The following CAMTA1 variants were observed in gnomAD, a reference collection of about 807,000 sequenced individuals.
CAMTA1 encodes the protein calmodulin-binding transcription activator 1.
Under a neutral mutation model 170.9 loss-of-function variants are expected in CAMTA1, and 27 were observed. That is an observed-to-expected ratio of 0.16 (90% CI 0.12 to 0.22). The LOEUF is 0.22. CAMTA1 is among the 10% of genes least tolerant of loss of function. CAMTA1 has a pLI of 1.00. For missense variants in CAMTA1, 1,619 were observed against 2,217.2 expected (o/e 0.73, Z 5.42); for synonymous variants, 833 against 891.5 (o/e 0.93, Z 1.17).
intron 4 of CAMTA1, among the ~76,000 whole-genome samples, chr1:7,145,412 T>G (rs1646125866): frequency 2.0e-5 from 3 of 152,184 alleles, no homozygotes; most frequent in Non-Finnish European, 4.4e-5. Flanking sequence ...GAAATTTGTT[T>G]AATAGTGCAG....
rs117768101 is a variant in CAMTA1 at position 7,665,622 on chromosome 1, G to C, written c.2652+423G>C. Among the ~76,000 whole-genome samples, 2 of 152,124 alleles carry C rather than the reference G, an allele frequency of 1.3e-5. No homozygotes were observed. The highest frequency in any genetic ancestry group is 2.9e-5 in the Non-Finnish European group (2 of 68,018). Reference sequence around the variant, plus strand: ...CCCAGCTATTCTGGAGGCTGAGTCCGGAGGAGCACTTGAGCCCAAGAGGTT... The same window carrying C: ...CCCAGCTATTCTGGAGGCTGAGTCCCGAGGAGCACTTGAGCCCAAGAGGTT... On this transcript the variant is annotated intron_variant, in intron 9 of 22. Coordinates refer to ENST00000303635, the MANE Select transcript of CAMTA1 (RefSeq NM_015215.4). This position sits in a 1 kb window ranked among gnomAD's most constrained non-coding sequence, Gnocchi z 4.3.
At chr1:6,905,819 A>G (rs1212177747) in intron 3 of CAMTA1, among the ~76,000 whole-genome samples, 2 of 152,184 alleles carry the variant, frequency 1.3e-5, no homozygotes, top group African/African-American at 4.8e-5. Context: ...GGCCAGATAC[A>G]GGGCCTCATA....
chr1:7,424,919 C>T (rs1399185384), intron 5 of CAMTA1, among the ~76,000 whole-genome samples: 1 of 152,040 alleles, frequency 6.6e-6, no homozygotes, highest in Non-Finnish European at 1.5e-5. Context: ...GTCTTCTAGC[C>T]AGCAGTTGAG....
rs12063718 is a variant in CAMTA1, at chr1:7,508,629, T to C, written c.510+40728T>C. On this transcript the variant is annotated intron_variant, in intron 6 of 22. Coordinates refer to ENST00000303635, the MANE Select transcript of CAMTA1 (RefSeq NM_015215.4). ...AAAGGCTCAGAGAATATTTGTTGAG[T>C]CAGTGAATGAGGGAAGGAGGGAGGG... 3.5e-3 allele frequency among the ~76,000 whole-genome samples: 528 copies of C among 150,724 alleles called. 3 individuals are homozygous for C. The highest frequency in any genetic ancestry group is 0.012 in the African/African-American group (509 of 40,962).
intron 3 of CAMTA1, among the ~76,000 whole-genome samples, chr1:6,984,556 G>A (rs370039483): frequency 3.9e-5 from 6 of 152,164 alleles, no homozygotes; most frequent in East Asian, 3.9e-4. Context: ...GGAGGTTGCA[G>A]TGAGCCGAGA....
intron 5 of CAMTA1, among the ~76,000 whole-genome samples, chr1:7,449,205 G>T (rs970451518): frequency 6.6e-6 from 1 of 152,230 alleles, no homozygotes; most frequent in East Asian, 1.9e-4. Flanking sequence ...CTGATAAAGC[G>T]AGGAGATGTA....
intron 11 of CAMTA1, among the ~76,000 whole-genome samples, chr1:7,703,612 C>T (rs2096466422): frequency 1.3e-5 from 2 of 152,142 alleles, no homozygotes; most frequent in South Asian, 2.1e-4. Flanking sequence ...AGAGACTCCG[C>T]CCCCAATTTC....
intron 7 of CAMTA1, among the ~76,000 whole-genome samples, chr1:7,659,747 T>C (rs1288048150): frequency 2.0e-5 from 3 of 152,216 alleles, no homozygotes; most frequent in African/African-American, 2.4e-5. Flanking sequence ...CAGCACTGCC[T>C]GCTGGGTGTC....
At chr1:7,632,185 G>A (rs1312104559) in intron 6 of CAMTA1, among the ~76,000 whole-genome samples, 1 of 152,218 alleles carries the variant, frequency 6.6e-6, no homozygotes, top group Non-Finnish European at 1.5e-5. Flanking sequence ...TGGGACATTC[G>A]GAATATGTAT....
At chr1:7,057,747 G>A (rs1281391170) in intron 3 of CAMTA1, among the ~76,000 whole-genome samples, 1 of 152,214 alleles carries the variant, frequency 6.6e-6, no homozygotes, top group Non-Finnish European at 1.5e-5. Flanking sequence ...TGAGGTTGTG[G>A]CATAGCAAGT....
intron 5 of CAMTA1, among the ~76,000 whole-genome samples, chr1:7,335,169 G>T (rs1188547327): frequency 8.7e-5 from 5 of 57,298 alleles, no homozygotes; most frequent in East Asian, 6.9e-4. Context: ...GGGGGTGGGG[G>T]GTGTCAGACC....
At chr1:7,270,759 T>C (rs1669682591) in intron 5 of CAMTA1, among the ~76,000 whole-genome samples, 1 of 152,166 alleles carries the variant, frequency 6.6e-6, no homozygotes, top group African/African-American at 2.4e-5. Flanking sequence ...GGGAGGAGGA[T>C]TGTTTGAGTC....
chr1:7,529,397 C>T (rs35960294), intron 6 of CAMTA1, among the ~76,000 whole-genome samples: 4 of 152,078 alleles, frequency 2.6e-5, no homozygotes, highest in East Asian at 1.9e-4. Context: ...CCAGTAATGA[C>T]GCATACCTCC....
Position 7,165,523 on chromosome 1 carries a change from G to A in CAMTA1, c.302+74152G>A, listed in dbSNP as rs552905317. 4.6e-5 allele frequency among the ~76,000 whole-genome samples: 7 copies of A among 151,728 alleles called. 1 individual carries two copies. The East Asian group carries it at 7.9e-4, about 17-fold the overall frequency. On this transcript the variant is annotated intron_variant, in intron 4 of 22. Transcript: ENST00000303635. ...CTCGGCTCACTGCAACTTCTGCCTC[G>A]CAGGTTCAAGCAATTCTCCTGTCTC...
At chr1:7,538,420 C>A (rs899124230) in intron 6 of CAMTA1, among the ~76,000 whole-genome samples, 16 of 152,076 alleles carry the variant, frequency 1.1e-4, no homozygotes, top group Non-Finnish European at 1.0e-4. Flanking sequence ...GGGGCCACAG[C>A]GGGGGGATCA....
At chr1:6,890,103 ACT>A (rs1202182284) in intron 3 of CAMTA1, among the ~76,000 whole-genome samples, 1 of 152,126 alleles carries the variant, frequency 6.6e-6, no homozygotes, top group African/African-American at 2.4e-5. Context: ...GCAGAGAGGG[ACT>A]CTGACCCAGG....
intron 5 of CAMTA1, among the ~76,000 whole-genome samples, chr1:7,445,622 C>T (rs915533341): frequency 1.3e-5 from 2 of 152,152 alleles, no homozygotes; most frequent in East Asian, 1.9e-4. Context: ...GGCCACCTGA[C>T]GCCGGAGGAG....
intron 3 of CAMTA1, among the ~76,000 whole-genome samples, chr1:6,936,233 C>T (rs1685283933): frequency 6.6e-6 from 1 of 152,160 alleles, no homozygotes; most frequent in Admixed American, 6.5e-5. Flanking sequence ...AAAAGTAGCC[C>T]AGATAATAGG....
At chr1:7,648,415 A>T (rs1453288592) in intron 7 of CAMTA1, among the ~76,000 whole-genome samples, 1 of 150,250 alleles carries the variant, frequency 6.7e-6, no homozygotes, top group Non-Finnish European at 1.5e-5. Context: ...AGAGAGAGAG[A>T]AGGGAAGAGA....
Sources: allele counts gnomAD v4.1 joint callset (sites outside exome capture counted in the v4.1 genomes callset), GRCh38; gene constraint gnomAD v4.1.1; non-coding constraint Gnocchi (gnomAD v3.1); transcripts MANE v1.5; gene names NCBI Gene and HGNC (gene_info 2026-07-23, HGNC 2026-07-21).